The following CDC14B variants were observed in gnomAD, a reference collection of about 807,000 sequenced individuals.
CDC14B encodes dual specificity protein phosphatase CDC14B.
Under a neutral mutation model 64.2 loss-of-function variants are expected in CDC14B, and 22 were observed. The observed-to-expected ratio is 0.34, with a 90% CI of 0.24 to 0.49. CDC14B has a LOEUF of 0.49. Among genes scored for constraint, CDC14B ranks in the 20% least tolerant of loss-of-function variants. CDC14B has a pLI of 0.99. For missense variants in CDC14B, 498 were observed against 629.9 expected (o/e 0.79, Z 2.24); for synonymous variants, 191 against 215.8 (o/e 0.89, Z 1.01).
chr9:96,549,858 G>C (rs1475907574), intron 5 of CDC14B, among the ~76,000 whole-genome samples: 1 of 152,174 alleles, frequency 6.6e-6, no homozygotes, highest in East Asian at 1.9e-4. Flanking sequence ...TTGAAACATA[G>C]CAAGGCAGTA....
At chr9:96,529,105 C>T (rs574799537) in intron 9 of CDC14B, among the ~76,000 whole-genome samples, 4 of 152,044 alleles carry the variant, frequency 2.6e-5, no homozygotes, top group Admixed American at 1.3e-4. Flanking sequence ...TTATATAGTC[C>T]GATTTGTCTG....
At chr9:96,603,998 A>G (rs984289890) in intron 1 of CDC14B, among the ~76,000 whole-genome samples, 2 of 152,192 alleles carry the variant, frequency 1.3e-5, no homozygotes, top group African/African-American at 4.8e-5. Context: ...ATTCGAAATA[A>G]AAGACTTAAA....
At chr9:96,616,693 C>T (rs934780052) in intron 1 of CDC14B, among the ~76,000 whole-genome samples, 4 of 150,080 alleles carry the variant, frequency 2.7e-5, no homozygotes, top group African/African-American at 9.9e-5. Context: ...CACTGCACAC[C>T]AGCCTGGGCA....
At chr9:96,533,379 C>T (rs1207091879) in intron 9 of CDC14B, among the ~76,000 whole-genome samples, 2 of 152,208 alleles carry the variant, frequency 1.3e-5, no homozygotes. Flanking sequence ...TTTAAAACTA[C>T]AAATACAGCA....
Position 96,541,926 on chromosome 9 carries a change from TA to T in CDC14B, c.498-35del, listed in dbSNP as rs775598225. 7 of 1,494,686 alleles carry T rather than the reference TA, an allele frequency of 4.7e-6. No homozygotes were observed. The Admixed American group carries it at 1.2e-4, about 26-fold the overall frequency. The allele number at this position is 1,494,686 out of a possible 1,614,324, so 92.6% of individuals were successfully genotyped here. On this transcript the variant is annotated intron_variant, in intron 5 of 13. Coordinates refer to ENST00000375241, the MANE Select transcript of CDC14B (RefSeq NM_033331.4). ...CAAGAGTAATAAAATGTAGATCAGT[TA>T]ATTTTCTGCAATTACACTTACCTAA...
At chr9:96,598,950 G>T (rs1846255711) in intron 1 of CDC14B, among the ~76,000 whole-genome samples, 2 of 152,180 alleles carry the variant, frequency 1.3e-5, no homozygotes, top group Admixed American at 1.3e-4. Flanking sequence ...GTGAAATAAA[G>T]TTGAAATCTT....
At chr9:96,612,758 A>G (rs1847402148) in intron 1 of CDC14B, among the ~76,000 whole-genome samples, 1 of 152,240 alleles carries the variant, frequency 6.6e-6, no homozygotes, top group Non-Finnish European at 1.5e-5. Flanking sequence ...ACTCCATGAG[A>G]GCAGGGACTA....
At chr9:96,498,725 G>A (rs774937314), downstream of CDC14B, among the ~76,000 whole-genome samples, 21 of 152,158 alleles carry the variant, frequency 1.4e-4, no homozygotes, top group Admixed American at 2.0e-4. Flanking sequence ...GATATGCCCC[G>A]ATACTGTTTT....
At chr9:96,540,584 T>C (rs1053298001) in intron 6 of CDC14B, among the ~76,000 whole-genome samples, 1 of 152,076 alleles carries the variant, frequency 6.6e-6, no homozygotes, top group East Asian at 1.9e-4. Context: ...GCTAATTGAC[T>C]TTGGGTGCAA....
chr9:96,541,759 C>T (rs1840090131), intron 6 of CDC14B, 67 bp downstream of exon 6: 4 of 1,093,188 alleles, frequency 3.7e-6, no homozygotes, highest in Non-Finnish European at 5.2e-6. Context: ...GGGAAGAAGG[C>T]CTAGTTTTCT....
intron 1 of CDC14B, among the ~76,000 whole-genome samples, chr9:96,579,921 G>GT (rs894357311): frequency 1.5e-3 from 225 of 149,344 alleles, no homozygotes; most frequent in African/African-American, 3.9e-3. Flanking sequence ...AACTCTAAAA[G>GT]TTTTTTTTTT....
At chr9:96,524,678 GAA>G (rs989315440) in intron 9 of CDC14B, among the ~76,000 whole-genome samples, 5 of 152,122 alleles carry the variant, frequency 3.3e-5, no homozygotes, top group African/African-American at 1.2e-4. Context: ...CCAATTAGCT[GAA>G]AAACCTGGGC....
rs1833707475 is a variant in CDC14B at position 96,503,176 on chromosome 9, T to C, written c.*577A>G. On this transcript the variant is annotated 3_prime_UTR_variant, in exon 14 of 14. Coordinates refer to ENST00000375241, the MANE Select transcript of CDC14B (RefSeq NM_033331.4). ...TTTAAATGTGATTTTCACAGATTCTTGTTAATAAAGCACTCTTTGGTGGAA... is the reference window on the plus strand; with the variant it reads ...TTTAAATGTGATTTTCACAGATTCTCGTTAATAAAGCACTCTTTGGTGGAA... 6.4e-6 allele frequency: 2 copies of C among 314,614 alleles called. No homozygotes were observed. The highest frequency in any genetic ancestry group is 4.9e-5 in the Admixed American group (1 of 20,306). The allele number at this position is 314,614 out of a possible 1,614,324, so 19.5% of individuals were successfully genotyped here.
At chr9:96,604,345 A>T (rs78320723) in intron 1 of CDC14B, among the ~76,000 whole-genome samples, 507 of 33,556 alleles carry the variant, frequency 0.015, 3 homozygotes, top group African/African-American at 0.078. Flanking sequence ...GCTTGCATTT[A>T]TTATTATTAT....
chr9:96,566,270 C>T (rs1484887368), intron 1 of CDC14B, among the ~76,000 whole-genome samples: 2 of 152,114 alleles, frequency 1.3e-5, no homozygotes, highest in Non-Finnish European at 2.9e-5. Context: ...AATACTTACA[C>T]TCACAACGTG....
intron 9 of CDC14B, among the ~76,000 whole-genome samples, chr9:96,532,080 T>C (rs1398266237): frequency 2.6e-5 from 4 of 152,234 alleles, no homozygotes; most frequent in Non-Finnish European, 5.9e-5. Flanking sequence ...AGATTTTCTA[T>C]TTGTTTTTTG....
At chr9:96,608,788 T>C (rs1161967079) in intron 1 of CDC14B, among the ~76,000 whole-genome samples, 1 of 152,006 alleles carries the variant, frequency 6.6e-6, no homozygotes, top group African/African-American at 2.4e-5. Flanking sequence ...TTAGATGTAT[T>C]TTAATAGAGA....
intron 4 of CDC14B, 98 bp from the exon 5 acceptor site, chr9:96,551,970 G>A (rs917041201): frequency 6.9e-7 from 1 of 1,452,736 alleles, no homozygotes; most frequent in Non-Finnish European, 9.1e-7. Context: ...AACCAACTGA[G>A]CAGGGTTCTC....
At chr9:96,514,480 A>G in intron 12 of CDC14B, 1 of 985,432 alleles carries the variant, frequency 1.0e-6, no homozygotes, top group Non-Finnish European at 1.2e-6. Context: ...AGAAAATGCC[A>G]TAAATAGGAG....
Sources: gnomAD v4.1 joint callset for allele counts (sites outside exome capture counted in the v4.1 genomes callset) on GRCh38, gnomAD v4.1.1 for gene constraint, MANE v1.5 for transcripts, NCBI Gene and HGNC (gene_info 2026-07-23, HGNC 2026-07-21) for gene names.